Variants in PTPRM observed in about 807,000 individuals in gnomAD.
The protein encoded by PTPRM is receptor-type tyrosine-protein phosphatase mu.
A neutral mutation model predicts 186.7 loss-of-function variants in PTPRM; 47 were observed. The ratio of observed to expected loss-of-function variants is 0.25; its 90% CI spans 0.20 to 0.32. The LOEUF is 0.32. Among genes scored for constraint, PTPRM ranks in the 10% least tolerant of loss-of-function variants. PTPRM has a pLI of 1.00. For synonymous variants in PTPRM, 668 were observed against 674.9 expected, an observed-to-expected ratio of 0.99 and a Z score of 0.16; for missense variants, 1,494 against 1,865.0, an observed-to-expected ratio of 0.80 and a Z score of 3.66.
At chr18:7,825,052 C>G (rs147654623) in intron 2 of PTPRM, among the ~76,000 whole-genome samples, 6 of 152,170 alleles carry the variant, frequency 3.9e-5, no homozygotes, top group Non-Finnish European at 5.9e-5. Flanking sequence ...AGGCTTGCTG[C>G]GTTTCATGTG....
rs2095836441 is a variant in PTPRM, at chr18:8,394,562, A to T, written c.4295A>T (p.His1432Leu). ...CACCAGAGAACCGTGGATGTCTTTC[A>T]CGCTGTGAAGACACTGAGGAACAAC... is the stretch of plus-strand genomic sequence containing the variant. The part of the protein sequence containing the change: ...LRHQRTVDVF[H>L]AVKTLRNNKP... Residue 1432 changes from histidine to leucine, a missense_variant, in exon 32 of 33, where the codon CAC (histidine) becomes CTC (leucine). Coordinates refer to ENST00000580170, the MANE Select transcript of PTPRM (RefSeq NM_001105244.2). 4.3e-6 allele frequency: 7 copies of T among 1,613,820 alleles called. No individual in the cohort carries two copies. The highest frequency in any genetic ancestry group is 5.9e-6 in the Non-Finnish European group (7 of 1,179,878).
chr18:8,392,440 C>G (rs943295299), intron 31 of PTPRM, among the ~76,000 whole-genome samples: 3 of 152,082 alleles, frequency 2.0e-5, no homozygotes, highest in East Asian at 3.9e-4. Flanking sequence ...CTGGCTAACA[C>G]GGTGAAACCC....
intron 19 of PTPRM, among the ~76,000 whole-genome samples, chr18:8,258,830 A>G (rs1275745913): frequency 6.6e-6 from 1 of 152,198 alleles, no homozygotes; most frequent in Non-Finnish European, 1.5e-5. Flanking sequence ...GCTGAAACGT[A>G]TCAAAGACTG....
chr18:8,168,126 T>C (rs1372267783), intron 14 of PTPRM, among the ~76,000 whole-genome samples: 1 of 152,238 alleles, frequency 6.6e-6, no homozygotes, highest in Non-Finnish European at 1.5e-5. Flanking sequence ...CTGGCATTAG[T>C]ATGCCTTTTT....
intron 31 of PTPRM, among the ~76,000 whole-genome samples, chr18:8,390,236 C>T: frequency 6.6e-6 from 1 of 152,164 alleles, no homozygotes; most frequent in Non-Finnish European, 1.5e-5. Context: ...GGGAAGACTG[C>T]CTGGACACGT....
chr18:7,667,746 T>C (rs1458876309), intron 1 of PTPRM, among the ~76,000 whole-genome samples: 1 of 152,064 alleles, frequency 6.6e-6, no homozygotes, highest in Non-Finnish European at 1.5e-5. Context: ...TGCATGGAAG[T>C]CACTTTTTTT....
intron 14 of PTPRM, among the ~76,000 whole-genome samples, chr18:8,239,146 TC>T (rs1568579742): frequency 3.9e-5 from 2 of 51,938 alleles, no homozygotes. Flanking sequence ...CCCTCCCCCC[TC>T]CCCCCACCCC....
At chr18:7,822,209 G>T (rs551986244) in intron 2 of PTPRM, among the ~76,000 whole-genome samples, 54 of 152,272 alleles carry the variant, frequency 3.5e-4, no homozygotes, top group African/African-American at 1.2e-3. Flanking sequence ...TTCACAGGAG[G>T]TGTGTGTATA....
chr18:7,781,288 A>T (rs928902760), intron 2 of PTPRM, among the ~76,000 whole-genome samples: 1 of 152,152 alleles, frequency 6.6e-6, no homozygotes, highest in Admixed American at 6.5e-5. Context: ...TACAATAATT[A>T]AAAAAAGTCT....
At chr18:7,788,487 A>G (rs776509100) in intron 2 of PTPRM, among the ~76,000 whole-genome samples, 26 of 152,182 alleles carry the variant, frequency 1.7e-4, no homozygotes, top group Non-Finnish European at 2.9e-4. Context: ...TAAAACATAT[A>G]TGAGTGAGCT....
intron 2 of PTPRM, among the ~76,000 whole-genome samples, chr18:7,840,821 T>C (rs2046285778): frequency 6.6e-6 from 1 of 152,256 alleles, no homozygotes; most frequent in African/African-American, 2.4e-5. Context: ...TGCTTTGACA[T>C]GCCCTTGAAA....
chr18:7,997,077 T>C (rs1221209971), intron 7 of PTPRM, among the ~76,000 whole-genome samples: 1 of 152,054 alleles, frequency 6.6e-6, no homozygotes, highest in Non-Finnish European at 1.5e-5. Context: ...AAATCCTGAA[T>C]AACCAGAGCA....
intron 14 of PTPRM, among the ~76,000 whole-genome samples, chr18:8,189,110 G>A (rs952481834): frequency 5.9e-5 from 9 of 151,938 alleles, no homozygotes; most frequent in African/African-American, 9.7e-5. Flanking sequence ...TTCATAGCCT[G>A]GGCAATATGA....
At chr18:8,161,150 C>T (rs1020434666) in intron 14 of PTPRM, among the ~76,000 whole-genome samples, 1 of 152,160 alleles carries the variant, frequency 6.6e-6, no homozygotes, top group Non-Finnish European at 1.5e-5. Context: ...GGTGACATAG[C>T]ATTCACTGAA....
At chr18:7,823,228 G>C (rs1349963453) in intron 2 of PTPRM, among the ~76,000 whole-genome samples, 1 of 152,190 alleles carries the variant, frequency 6.6e-6, no homozygotes, top group Non-Finnish European at 1.5e-5. Context: ...ACACAGAATA[G>C]AGCAAGCTGA....
chr18:7,875,620 G>A (rs538836393), intron 2 of PTPRM, among the ~76,000 whole-genome samples: 25 of 152,124 alleles, frequency 1.6e-4, no homozygotes, highest in African/African-American at 3.9e-4. Flanking sequence ...CTCTGTGCCC[G>A]GCCAACATGC....
At chr18:7,621,537 C>A (rs1276987625) in intron 1 of PTPRM, among the ~76,000 whole-genome samples, 1 of 152,100 alleles carries the variant, frequency 6.6e-6, no homozygotes, top group African/African-American at 2.4e-5. Flanking sequence ...TGGGTTTGGA[C>A]AAATATGTAA....
In PTPRM at chr18:7,842,961, G is replaced by T. The variant is rs1435875266; in HGVS notation, c.197-45145G>T. 3.6e-4 allele frequency among the ~76,000 whole-genome samples: 52 copies of T among 145,704 alleles called. 1 individual carries two copies. In the East Asian group the frequency reaches 7.4e-3, roughly 21 times the overall value. On this transcript the variant is annotated intron_variant, in intron 2 of 32. Coordinates refer to ENST00000580170, the MANE Select transcript of PTPRM (RefSeq NM_001105244.2). ...ATATATATATATAGAGAGAGAGAGA[G>T]AGAGAGAGAGAGAGAGAGATTATAT...
At chr18:7,802,121 C>T (rs1009411382) in intron 2 of PTPRM, among the ~76,000 whole-genome samples, 2 of 152,124 alleles carry the variant, frequency 1.3e-5, no homozygotes, top group African/African-American at 4.8e-5. Flanking sequence ...GAGGTTCTCA[C>T]CGACCTTTTC....
Sources: allele counts gnomAD v4.1 joint callset (sites outside exome capture counted in the v4.1 genomes callset), GRCh38; gene constraint gnomAD v4.1.1; transcripts MANE v1.5; gene names NCBI Gene and HGNC (gene_info 2026-07-23, HGNC 2026-07-21).